SFMBT2: variants seen among roughly 807,000 people sequenced by gnomAD.
SFMBT2 encodes the protein Scm like with four mbt domains 2.
A neutral mutation model predicts 110.1 loss-of-function variants in SFMBT2; 38 were observed. The ratio of observed to expected loss-of-function variants is 0.35; its 90% confidence interval spans 0.27 to 0.45. SFMBT2 has a LOEUF of 0.45. Ranked by LOEUF, SFMBT2 falls within the 20% of genes least tolerant of loss-of-function variation. SFMBT2 has a pLI of 1.00. For missense variants in SFMBT2, 1,011 were observed against 1,094.9 expected (o/e 0.92, Z 1.08); for synonymous variants, 425 against 425.4 (o/e 1.00, Z 0.01).
intron 4 of SFMBT2, among the ~76,000 whole-genome samples, chr10:7,308,351 C>A (rs536100610): frequency 6.6e-6 from 1 of 151,694 alleles, no homozygotes; most frequent in Non-Finnish European, 1.5e-5. Context: ...GAGAGAGAGA[C>A]CCCATCTCAA....
intron 20 of SFMBT2, among the ~76,000 whole-genome samples, chr10:7,165,145 C>T (rs1482294156): frequency 1.3e-5 from 2 of 152,140 alleles, no homozygotes; most frequent in African/African-American, 4.8e-5. Flanking sequence ...TGAGAGATTG[C>T]AGGCCCCAGG....
At chr10:7,287,142 G>GA (rs1842116188) in intron 4 of SFMBT2, among the ~76,000 whole-genome samples, 1 of 148,142 alleles carries the variant, frequency 6.8e-6, no homozygotes, top group Non-Finnish European at 1.5e-5. Context: ...AGGCAGTGGC[G>GA]GATCTCAGCT....
At chr10:7,320,760 T>TGGG in intron 4 of SFMBT2, 1 of 216,714 alleles carries the variant, frequency 4.6e-6, no homozygotes, top group Non-Finnish European at 7.9e-6. Flanking sequence ...TTTCAGACCC[T>TGGG]CCATGACCCA....
At chr10:7,400,930 C>T (rs1045555255) in intron 1 of SFMBT2, among the ~76,000 whole-genome samples, 7 of 152,120 alleles carry the variant, frequency 4.6e-5, no homozygotes, top group Non-Finnish European at 7.4e-5. Flanking sequence ...GTCAGGAGTT[C>T]AAGACCAGCC....
chr10:7,315,240 G>A (rs184318405), intron 4 of SFMBT2, among the ~76,000 whole-genome samples: 6 of 152,322 alleles, frequency 3.9e-5, no homozygotes, highest in African/African-American at 1.4e-4. Flanking sequence ...ATTATTCTGG[G>A]TGTTTCTTGG....
chr10:7,233,642 C>A (rs1485854275), intron 9 of SFMBT2, among the ~76,000 whole-genome samples: 1 of 152,244 alleles, frequency 6.6e-6, no homozygotes, highest in Non-Finnish European at 1.5e-5. Context: ...GTTCTAAGAA[C>A]AGGTTCTCAG....
chr10:7,180,741 G>T (rs578167229), intron 16 of SFMBT2, among the ~76,000 whole-genome samples: 9 of 151,910 alleles, frequency 5.9e-5, no homozygotes, highest in East Asian at 3.9e-4. Context: ...AGGGACGCAG[G>T]GGGGAGGCCG....
intron 12 of SFMBT2, chr10:7,205,301 A>G (rs1396265320): frequency 7.1e-6 from 4 of 566,224 alleles, no homozygotes; most frequent in Non-Finnish European, 8.9e-6. Context: ...TATGTTGCCC[A>G]GGCTGGTCTC....
intron 9 of SFMBT2, among the ~76,000 whole-genome samples, chr10:7,229,561 C>T (rs573170830): frequency 5.5e-4 from 79 of 144,160 alleles, no homozygotes; most frequent in African/African-American, 1.9e-3. Flanking sequence ...CCCCACTGCA[C>T]TCCAGCCTGG....
chr10:7,198,894 A>G lies in SFMBT2; in HGVS notation c.1559-1207T>C, dbSNP rs1588794197. Among the ~76,000 whole-genome samples the G allele has an allele frequency of 2.0e-5, 3 of 152,288 alleles. 1 individual carries two copies. Among genetic ancestry groups the G allele is most frequent in the Non-Finnish European group, 4.4e-5 (3 of 68,022 alleles). On this transcript the variant is annotated intron_variant, in intron 14 of 20. Transcript: ENST00000397167. The stretch of plus-strand genomic sequence containing the variant: ...CATCTCTACTAAAAATACAAAAATT[A>G]GCCGGGCATGGTAGCATGCGCCTGT...
At chr10:7,179,221 A>T (rs1490980102) in intron 16 of SFMBT2, among the ~76,000 whole-genome samples, 2 of 152,006 alleles carry the variant, frequency 1.3e-5, no homozygotes, top group African/African-American at 2.4e-5. Context: ...CTAGAAAGTA[A>T]TCTTCTGTAG....
chr10:7,199,672 C>T (rs148207822), intron 14 of SFMBT2, among the ~76,000 whole-genome samples: 31 of 152,254 alleles, frequency 2.0e-4, no homozygotes, highest in African/African-American at 6.7e-4. Flanking sequence ...GATTACTCTG[C>T]CTTTCGATTA....
chr10:7,342,396 C>CTTTTTTTTTTTTTTTTTTTT, intron 4 of SFMBT2, among the ~76,000 whole-genome samples: 1 of 69,664 alleles, frequency 1.4e-5, no homozygotes, highest in Non-Finnish European at 2.8e-5. Flanking sequence ...TGGAGTGAGT[C>CTTTTTTTTTTTTTTTTTTTT]TTTTTTTTTT....
chr10:7,365,255 A>G (rs1408408180), intron 4 of SFMBT2, among the ~76,000 whole-genome samples: 2 of 152,222 alleles, frequency 1.3e-5, no homozygotes, highest in African/African-American at 2.4e-5. Flanking sequence ...CCAGGCTCGC[A>G]TGTCCAGAGA....
Position 7,205,895 on chromosome 10 carries a change from T to C in SFMBT2, c.1364A>G (p.Asp455Gly). ...TGGGAAGATGTCCATGGATTCCACATCAACAATGACCTCTGGAACAGGAGT... is the reference window on the plus strand; with the variant it reads ...TGGGAAGATGTCCATGGATTCCACACCAACAATGACCTCTGGAACAGGAGT... ...LQTPVPEVIV[D>G]VESMDIFPVG... is the part of the protein sequence containing the mutation. Residue 455 changes from aspartate (D) to glycine (G), a missense_variant, in exon 12 of 21, where the codon GAT (aspartate) becomes GGT (glycine). Asp to Gly is a moderately conservative substitution (Grantham distance 94). Transcript: ENST00000397167. The C allele has an allele frequency of 2.5e-6, 4 of 1,613,974 alleles. No homozygotes were observed. The highest frequency in any genetic ancestry group is 3.4e-6 in the Non-Finnish European group (4 of 1,179,958).
intron 7 of SFMBT2, among the ~76,000 whole-genome samples, chr10:7,264,637 C>T (rs560205815): frequency 5.3e-5 from 8 of 152,114 alleles, no homozygotes; most frequent in Non-Finnish European, 8.8e-5. Flanking sequence ...TCAAATAAAA[C>T]GGAAATAAGC....
At chr10:7,377,124 G>C (rs538637582) in intron 2 of SFMBT2, among the ~76,000 whole-genome samples, 1 of 132,464 alleles carries the variant, frequency 7.5e-6, no homozygotes, top group Admixed American at 8.8e-5. Flanking sequence ...AGCCGAGATC[G>C]CACCATTGCA....
intron 16 of SFMBT2, among the ~76,000 whole-genome samples, chr10:7,180,848 C>T (rs1838223591): frequency 6.6e-6 from 1 of 152,158 alleles, no homozygotes; most frequent in Admixed American, 6.5e-5. Context: ...GAGCACAGGC[C>T]AGGCTTCCAC....
Position 7,329,630 on chromosome 10 carries a change from G to A in SFMBT2, c.436+38019C>T, listed in dbSNP as rs1193520062. 9.2e-6 allele frequency: 4 copies of A among 433,408 alleles called. No individual in the cohort carries two copies. The Admixed American group carries it at 2.6e-4, about 28-fold the overall frequency. 26.8% of individuals were successfully genotyped at this position (433,408 alleles called of 1,614,324 possible). On this transcript the variant is annotated intron_variant, in intron 4 of 20. Transcript: ENST00000397167. ...CGGTTAGAAATCCAGATGGAACACA[G>A]CAAGGCAGGCTCGTCTCTGCTCCAC...
Sources: allele counts gnomAD v4.1 joint callset (sites outside exome capture counted in the v4.1 genomes callset), GRCh38; gene constraint gnomAD v4.1.1; transcripts MANE v1.5; gene names NCBI Gene and HGNC (gene_info 2026-07-23, HGNC 2026-07-21).